MTIF2: variants seen among roughly 807,000 people sequenced by gnomAD.
The protein encoded by MTIF2 is translation initiation factor IF-2, mitochondrial.
Under a neutral mutation model 83.5 loss-of-function variants are expected in MTIF2, and 71 were observed. The observed-to-expected ratio is 0.85, with a 90% CI of 0.70 to 1.04. The LOEUF (loss-of-function observed/expected upper bound fraction) is 1.04, where lower values mean the gene tolerates loss of function less well. Among genes scored for constraint, MTIF2 ranks in the 50% least tolerant of loss-of-function variants. The pLI, the probability that MTIF2 is intolerant of heterozygous loss-of-function variation, is 0.00. For synonymous variants in MTIF2, 319 were observed against 287.1 expected (o/e 1.11, Z -1.12); for missense variants, 957 against 846.5 (o/e 1.13, Z -1.62).
intron 8 of MTIF2, among the ~76,000 whole-genome samples, chr2:55,251,747 C>T (rs1573885328): frequency 6.6e-6 from 1 of 152,160 alleles, no homozygotes; most frequent in East Asian, 1.9e-4. Context: ...CCTCAGCCTC[C>T]CAAGTAGCTG....
At chr2:55,253,406 C>T (rs535943763) in intron 7 of MTIF2, among the ~76,000 whole-genome samples, 5 of 152,260 alleles carry the variant, frequency 3.3e-5, no homozygotes, top group African/African-American at 9.6e-5. Context: ...CAGCCAGGCG[C>T]GGTGGCTCAC....
chr2:55,240,437 G>A (rs1052036098), intron 13 of MTIF2, among the ~76,000 whole-genome samples: 4 of 152,008 alleles, frequency 2.6e-5, no homozygotes, highest in Admixed American at 6.6e-5. Flanking sequence ...AAAATTAGCC[G>A]GGCGTGGTGG....
intron 5 of MTIF2, among the ~76,000 whole-genome samples, chr2:55,255,464 A>T (rs1369111279): frequency 6.8e-6 from 1 of 147,162 alleles, no homozygotes; most frequent in Non-Finnish European, 1.5e-5. Context: ...TATAAATCAA[A>T]TATGTAAAAT....
intron 14 of MTIF2, among the ~76,000 whole-genome samples, chr2:55,237,658 T>C (rs1036936397): frequency 1.4e-5 from 2 of 142,542 alleles, no homozygotes; most frequent in Non-Finnish European, 1.5e-5. Context: ...TCTTTTTTTT[T>C]TTTTTTTTTT....
intron 15 of MTIF2, 65 bp from the exon 16 acceptor site, chr2:55,236,885 T>A: frequency 8.2e-7 from 1 of 1,225,888 alleles, no homozygotes. Context: ...AATACTACAT[T>A]ATGTGGTGTT....
chr2:55,249,715 G>A (rs889421007), intron 8 of MTIF2, among the ~76,000 whole-genome samples, 181 bp from the exon 9 acceptor site: 1 of 152,098 alleles, frequency 6.6e-6, no homozygotes, highest in Admixed American at 6.6e-5. Context: ...TCTACATATA[G>A]AGAAATCCAG....
At chr2:55,268,213 ACTGCACTCCAGC>A (rs1269618512) in intron 2 of MTIF2, among the ~76,000 whole-genome samples, 2 of 152,084 alleles carry the variant, frequency 1.3e-5, no homozygotes, top group Non-Finnish European at 2.9e-5. Context: ...AGATCAGGCC[ACTGCACTCCAGC>A]CTGGGCGACA....
chr2:55,263,779 C>A lies in MTIF2; in HGVS notation c.80G>T (p.Arg27Ile), dbSNP rs551220416. Reference protein sequence around the residue: ...IYRQLHSLCQRRALRQWRHGF... With the variant: ...IYRQLHSLCQIRALRQWRHGF... ...ATGCCTCCACTGTCTTAATGCTCTT[C>A]TTTGACACAGACTGTGCAGTTGCCT... The change falls in exon 4 of 16, where the codon AGA becomes ATA. Residue 27 changes from arginine (R) to isoleucine (I), a missense_variant. By Grantham distance (97) the Arg-to-Ile change is moderately conservative. Coordinates refer to ENST00000263629, the MANE Select transcript of MTIF2 (RefSeq NM_002453.3). The A allele has an allele frequency of 6.2e-7, 1 of 1,614,120 alleles. No homozygotes were observed. Among genetic ancestry groups the A allele is most frequent in the African/African-American group, 1.3e-5 (1 of 75,014 alleles).
chr2:55,237,651 T>A, intron 14 of MTIF2, among the ~76,000 whole-genome samples: 1 of 91,518 alleles, frequency 1.1e-5, no homozygotes. Context: ...CTTTTTTTCT[T>A]TTTTTTTTTT....
chr2:55,257,591 TA>T (rs1254187473), intron 5 of MTIF2, among the ~76,000 whole-genome samples: 2 of 152,328 alleles, frequency 1.3e-5, no homozygotes, highest in East Asian at 3.9e-4. Context: ...CTCTCAAAAA[TA>T]AATCTCTAAT....
intron 5 of MTIF2, 34 bp downstream of exon 5, chr2:55,262,281 TC>T (rs1333585115): frequency 7.1e-7 from 1 of 1,416,060 alleles, no homozygotes; most frequent in Non-Finnish European, 1.0e-6. Context: ...CTTCCAACAT[TC>T]CCATATTTTG....
intron 10 of MTIF2, among the ~76,000 whole-genome samples, chr2:55,244,699 G>A (rs1187191611): frequency 1.3e-5 from 2 of 151,998 alleles, no homozygotes; most frequent in African/African-American, 2.4e-5. Flanking sequence ...TGGATTGCTT[G>A]AGCTCACGAG....
intron 13 of MTIF2, among the ~76,000 whole-genome samples, chr2:55,241,581 G>C (rs543760464): frequency 2.0e-5 from 3 of 152,222 alleles, no homozygotes; most frequent in South Asian, 2.1e-4. Context: ...AGTGGCTCAC[G>C]CCTGTAATCC....
intron 10 of MTIF2, among the ~76,000 whole-genome samples, chr2:55,245,357 T>C (rs548870289): frequency 6.6e-6 from 1 of 152,048 alleles, no homozygotes; most frequent in African/African-American, 2.4e-5. Flanking sequence ...ATCCTGTCTC[T>C]AAAAAAATAC....
intron 3 of MTIF2, chr2:55,266,504 A>G (rs1371736209): frequency 2.7e-5 from 4 of 147,110 alleles, no homozygotes; most frequent in Non-Finnish European, 6.0e-5. Context: ...CCAGCCGGGG[A>G]GACAGAGCGA....
In MTIF2 at chr2:55,243,540, C is replaced by T; in HGVS notation, c.1440G>A (p.Lys480=). The T allele has an allele frequency of 6.2e-7, 1 of 1,614,082 alleles. No homozygotes were observed. Among genetic ancestry groups the T allele is most frequent in the Non-Finnish European group, 8.5e-7 (1 of 1,180,000 alleles). The change falls in exon 12 of 16, where the codon AAG becomes AAA. Residue 480 remains lysine, a synonymous_variant. Transcript: ENST00000263629. ...HKEAHQKARE[K]YGHLLWKKRS... ...TCTTCTTCCACAGTAGATGGCCATA[C>T]TTCTCACGGGCTTTCTGATGTGCTT...
rs1676486544 is a variant in MTIF2 at position 55,243,660 on chromosome 2, T to C, written c.1320A>G (p.Ala440=). The C allele has an allele frequency of 6.2e-7, 1 of 1,612,386 alleles. No individual in the cohort carries two copies. The highest frequency in any genetic ancestry group is 1.1e-5 in the South Asian group (1 of 90,608). Residue 440 remains alanine, a synonymous_variant, in exon 12 of 16, where the codon GCA becomes GCG. Transcript: ENST00000263629. ...ATTTCCTCCAGTCAACAACTTCACGTGCCCTTGGCTTTATAGGGGAAAAAC... is the reference window on the plus strand; with the variant it reads ...ATTTCCTCCAGTCAACAACTTCACGCGCCCTTGGCTTTATAGGGGAAAAAC... ...EILEVESEPR[A]REVVDWRKYE...
rs1480459234 is a variant in MTIF2, at chr2:55,244,464, G to A, written c.1107-231C>T. On this transcript the variant is annotated intron_variant, in intron 10 of 15. Coordinates refer to ENST00000263629, the MANE Select transcript of MTIF2 (RefSeq NM_002453.3). ...AAGGCAAGAGGATCACCTGAGCCCAGGAGTTCAAAGTCAGCCTATCAAGAC... is the reference window on the plus strand; with the variant it reads ...AAGGCAAGAGGATCACCTGAGCCCAAGAGTTCAAAGTCAGCCTATCAAGAC... Among the ~76,000 whole-genome samples the A allele has an allele frequency of 2.6e-5, 4 of 152,152 alleles. No homozygotes were observed. In the East Asian group the frequency reaches 7.7e-4, roughly 29 times the overall value.
Position 55,263,717 on chromosome 2 carries a change from G to T in MTIF2, c.142C>A (p.Leu48Met). 6.2e-7 allele frequency: 1 copy of T among 1,614,104 alleles called. No individual in the cohort carries two copies. Among genetic ancestry groups the T allele is most frequent in the Non-Finnish European group, 8.5e-7 (1 of 1,180,022 alleles). The change falls in exon 4 of 16, where the codon CTG becomes ATG. Residue 48 changes from leucine (L) to methionine (M), a missense_variant. Leu to Met is a conservative substitution (Grantham distance 15, BLOSUM62 2). This residue lies in a region of MTIF2 where 733 missense variants were observed against 648.7 expected (regional missense o/e 1.13). Coordinates refer to ENST00000263629, the MANE Select transcript of MTIF2 (RefSeq NM_002453.3). ...TCTGTTGGCCAGGGCCAGGCACACA[G>T]TTGAGCTGTCCACACAGGGTAAGCA... ...SSAYPVWTAQ[L>M]CAWPWPTDVL...
Sources: gnomAD v4.1 joint callset for allele counts (sites outside exome capture counted in the v4.1 genomes callset) on GRCh38, gnomAD v4.1.1 for gene constraint, gnomAD v4.1.1 regional missense constraint, MANE v1.5 for transcripts, NCBI Gene and HGNC (gene_info 2026-07-23, HGNC 2026-07-21) for gene names.